Variants in SPON1 observed in about 807,000 individuals in gnomAD.
The protein encoded by SPON1 is spondin-1.
SPON1 carries 52 observed loss-of-function variants against 111.7 expected under a neutral mutation model. The ratio of observed to expected loss-of-function variants is 0.47; its 90% CI spans 0.37 to 0.59. The LOEUF (loss-of-function observed/expected upper bound fraction) is 0.59. SPON1 is among the 20% of genes least tolerant of loss of function. The probability of loss-of-function intolerance (pLI) is 0.00; values close to 1 mark genes in which losing one functional copy is unlikely to be tolerated. For synonymous variants in SPON1, 410 were observed against 395.8 expected (o/e 1.04, Z -0.43); for missense variants, 957 against 1,068.5 (o/e 0.90, Z 1.46).
chr11:14,148,257 T>C (rs1262135667), intron 6 of SPON1, among the ~76,000 whole-genome samples: 4 of 152,204 alleles, frequency 2.6e-5, no homozygotes, highest in Admixed American at 6.5e-5. Flanking sequence ...AGGGTACTCA[T>C]GATTGGTCCC....
intron 2 of SPON1, among the ~76,000 whole-genome samples, chr11:14,037,628 C>T (rs1040041007): frequency 4.6e-5 from 7 of 151,796 alleles, no homozygotes; most frequent in African/African-American, 1.7e-4. Flanking sequence ...CTATAAAACT[C>T]CTAGAAGACA....
At chr11:14,032,819 A>G (rs538210471) in intron 2 of SPON1, among the ~76,000 whole-genome samples, 8 of 152,030 alleles carry the variant, frequency 5.3e-5, no homozygotes, top group African/African-American at 1.9e-4. Context: ...CTCATTCCCC[A>G]CCCTGGTCCC....
chr11:13,994,714 A>G (rs1554911579), intron 2 of SPON1, among the ~76,000 whole-genome samples: 2 of 152,234 alleles, frequency 1.3e-5, no homozygotes, highest in African/African-American at 4.8e-5. Context: ...TGAAACAAAC[A>G]ACAATAACAA....
intron 3 of SPON1, among the ~76,000 whole-genome samples, chr11:14,045,416 A>T (rs1848661338): frequency 6.6e-6 from 1 of 151,860 alleles, no homozygotes; most frequent in Non-Finnish European, 1.5e-5. Context: ...CGTCTCTTCT[A>T]AAAATACAAA....
intron 6 of SPON1, among the ~76,000 whole-genome samples, chr11:14,150,262 C>G (rs1022891643): frequency 6.6e-6 from 1 of 152,014 alleles, no homozygotes; most frequent in South Asian, 2.1e-4. Context: ...TATGTGGGAG[C>G]TGAAAAAGTT....
chr11:13,984,591 G>A (rs1848168110), intron 2 of SPON1, among the ~76,000 whole-genome samples: 2 of 152,166 alleles, frequency 1.3e-5, no homozygotes, highest in Admixed American at 1.3e-4. Context: ...CAAAGGTAGA[G>A]CCATCACGAC....
chr11:14,148,468 T>A (rs1274512743), intron 6 of SPON1, among the ~76,000 whole-genome samples: 3 of 126,836 alleles, frequency 2.4e-5, no homozygotes, highest in African/African-American at 5.6e-5. Context: ...TATTTTATAG[T>A]TGAAATAAAA....
rs782561460 is a variant in SPON1, at chr11:14,079,901, T to G, written c.556T>G (p.Ser186Ala). 9.3e-6 allele frequency: 15 copies of G among 1,613,976 alleles called. No individual in the cohort carries two copies. Among genetic ancestry groups the G allele is most frequent in the Non-Finnish European group, 1.3e-5 (15 of 1,179,888 alleles). The change falls in exon 5 of 16, where the codon TCC (serine) becomes GCC (alanine). Residue 186 changes from serine to alanine, a missense_variant and splice_region_variant. By Grantham distance (99) the Ser-to-Ala change is moderately conservative. Transcript: ENST00000576479. ...GGTGACTTTTCTGACTGTTTCAGAT[T>G]CCACATTTGATGGGGTGACTGACAA... Reference protein sequence around the residue: ...SLTKKLCEQDSTFDGVTDKPI... With the variant: ...SLTKKLCEQDATFDGVTDKPI...
rs781997044 is a variant in SPON1 at position 14,256,674 on chromosome 11, C to G, written c.1291C>G (p.Pro431Ala). 2 of 1,613,374 alleles carry G rather than the reference C, an allele frequency of 1.2e-6. No homozygotes were observed. Among genetic ancestry groups the G allele is most frequent in the Non-Finnish European group, 8.5e-7 (1 of 1,179,526 alleles). Reference protein sequence around the residue: ...NVDDIVADLAPEEKDEDDTPE... With the variant: ...NVDDIVADLAAEEKDEDDTPE... ...CGATGATATTGTAGCTGACCTGGCT[C>G]CAGAAGAGAAAGATGAAGGTACGTT... Residue 431 changes from proline to alanine, a missense_variant, in exon 10 of 16, where the codon CCA becomes GCA. By Grantham distance (27) the Pro-to-Ala change is conservative. Around this residue, in one of 5 missense-constraint regions of SPON1, gnomAD observed 549 missense variants for 606.2 expected, o/e 0.91. Coordinates refer to ENST00000576479, the MANE Select transcript of SPON1 (RefSeq NM_006108.4).
intron 3 of SPON1, among the ~76,000 whole-genome samples, chr11:14,068,446 C>T (rs1848850077): frequency 6.6e-6 from 1 of 152,128 alleles, no homozygotes; most frequent in Non-Finnish European, 1.5e-5. Context: ...GACCTCTTAC[C>T]CAAATTCTGG....
chr11:14,179,607 G>A (rs1257949923), intron 6 of SPON1, among the ~76,000 whole-genome samples: 6 of 152,130 alleles, frequency 3.9e-5, no homozygotes, highest in African/African-American at 1.2e-4. Flanking sequence ...GTGACCTTGA[G>A]CAAGTTACTT....
intron 15 of SPON1, among the ~76,000 whole-genome samples, chr11:14,264,357 A>G (rs1554942223): frequency 6.6e-6 from 1 of 152,224 alleles, no homozygotes; most frequent in Non-Finnish European, 1.5e-5. Flanking sequence ...TTGTAACCCA[A>G]GAGAAAGATT....
At chr11:14,089,175 G>C (rs7113865) in intron 5 of SPON1, among the ~76,000 whole-genome samples, 2,915 of 152,176 alleles carry the variant, frequency 0.019, 95 homozygotes, top group African/African-American at 0.066. Flanking sequence ...GCACTTGCTG[G>C]AGAGGAGTTG....
At chr11:14,170,072 T>C (rs1472532734) in intron 6 of SPON1, among the ~76,000 whole-genome samples, 2 of 152,190 alleles carry the variant, frequency 1.3e-5, no homozygotes, top group African/African-American at 4.8e-5. Flanking sequence ...ATTGAATCTA[T>C]AAATAACTTG....
chr11:14,160,970 TA>T (rs1847938944), intron 6 of SPON1, among the ~76,000 whole-genome samples: 1 of 58,824 alleles, frequency 1.7e-5, no homozygotes, highest in African/African-American at 6.4e-5. Context: ...TATTTATATA[TA>T]TTTTTATATA....
chr11:14,154,880 T>C (rs1371801904), intron 6 of SPON1, among the ~76,000 whole-genome samples: 1 of 152,150 alleles, frequency 6.6e-6, no homozygotes, highest in African/African-American at 2.4e-5. Flanking sequence ...TACTTAGAAA[T>C]TTCTAAATTT....
intron 6 of SPON1, among the ~76,000 whole-genome samples, chr11:14,184,992 CA>C (rs1848271354): frequency 6.6e-6 from 1 of 152,176 alleles, no homozygotes; most frequent in Non-Finnish European, 1.5e-5. Context: ...AACTTTTCAT[CA>C]GTCCACACTA....
At chr11:14,075,467 G>A in intron 4 of SPON1, 49 bp downstream of exon 4, 1 of 1,329,080 alleles carries the variant, frequency 7.5e-7, no homozygotes, top group Non-Finnish European at 1.1e-6. Context: ...ATGGAAGGCA[G>A]CTCCTCCTGC....
intron 11 of SPON1, among the ~76,000 whole-genome samples, chr11:14,258,900 C>T (rs1246743016): frequency 6.6e-6 from 1 of 152,166 alleles, no homozygotes; most frequent in African/African-American, 2.4e-5. Context: ...GAGCTGAGGT[C>T]CTTAACCTCC....
Sources: allele counts gnomAD v4.1 joint callset (sites outside exome capture counted in the v4.1 genomes callset), GRCh38; gene constraint gnomAD v4.1.1; regional missense constraint gnomAD v4.1.1; transcripts MANE v1.5; gene names NCBI Gene and HGNC (gene_info 2026-07-23, HGNC 2026-07-21).